GRM7: variants seen among roughly 807,000 people sequenced by gnomAD.
GRM7 encodes metabotropic glutamate receptor 7.
In GRM7, 35 loss-of-function variants were observed where a neutral mutation model predicts 84.5. That is an observed-to-expected ratio of 0.41 (90% CI 0.32 to 0.55). The LOEUF (loss-of-function observed/expected upper bound fraction) is 0.55. GRM7 is among the 20% of genes least tolerant of loss of function. The pLI is 0.19. For missense variants in GRM7, 1,003 were observed against 1,194.6 expected (o/e 0.84, Z 2.36); for synonymous variants, 487 against 455.1 (o/e 1.07, Z -0.89).
chr3:6,904,547 T>A (rs754042872), intron 1 of GRM7, among the ~76,000 whole-genome samples: 1 of 152,204 alleles, frequency 6.6e-6, no homozygotes, highest in Non-Finnish European at 1.5e-5. Flanking sequence ...CTTTATATAA[T>A]GAACCTCTTT....
At chr3:6,871,940 A>T (rs1362780161) in intron 1 of GRM7, among the ~76,000 whole-genome samples, 1 of 152,112 alleles carries the variant, frequency 6.6e-6, no homozygotes, top group Non-Finnish European at 1.5e-5. Context: ...AAAAATCCCC[A>T]AACCATTGAG....
intron 8 of GRM7, among the ~76,000 whole-genome samples, chr3:7,655,157 A>C (rs1699125247): frequency 1.3e-5 from 2 of 152,214 alleles, no homozygotes; most frequent in Admixed American, 1.3e-4. Flanking sequence ...AAAAACAGGT[A>C]AATTGATGTC....
chr3:7,506,927 A>G (rs1435623109), intron 7 of GRM7, among the ~76,000 whole-genome samples: 1 of 152,144 alleles, frequency 6.6e-6, no homozygotes, highest in African/African-American at 2.4e-5. Flanking sequence ...CCACTGTACC[A>G]TATTTAAAGA....
intron 7 of GRM7, among the ~76,000 whole-genome samples, chr3:7,484,257 A>G (rs970375875): frequency 2.0e-5 from 3 of 152,202 alleles, no homozygotes; most frequent in Admixed American, 6.5e-5. Flanking sequence ...CTTGTTGGAC[A>G]GAATATACTC....
intron 1 of GRM7, among the ~76,000 whole-genome samples, chr3:7,077,046 T>C (rs750221958): frequency 6.6e-6 from 1 of 152,142 alleles, no homozygotes; most frequent in Non-Finnish European, 1.5e-5. Flanking sequence ...CCAGTTAGAA[T>C]TGGGATGATT....
intron 2 of GRM7, among the ~76,000 whole-genome samples, chr3:7,152,665 G>A (rs1246991880): frequency 6.6e-6 from 1 of 152,140 alleles, no homozygotes. Context: ...CTTGGAGAAA[G>A]CTCTCTCTTA....
chr3:7,146,385 A>T, intron 1 of GRM7, 67 bp from the exon 2 acceptor site: 1 of 1,192,986 alleles, frequency 8.4e-7, no homozygotes, highest in Non-Finnish European at 1.3e-6. Context: ...GTAAACTGTC[A>T]TAAGTATAAA....
chr3:7,164,308 A>C (rs574956853), intron 2 of GRM7, among the ~76,000 whole-genome samples: 12 of 152,266 alleles, frequency 7.9e-5, no homozygotes, highest in Admixed American at 5.9e-4. Flanking sequence ...GCAGTGAGCC[A>C]AGATCACGCC....
At chr3:6,955,392 C>T (rs1286687016) in intron 1 of GRM7, among the ~76,000 whole-genome samples, 3 of 152,038 alleles carry the variant, frequency 2.0e-5, no homozygotes, top group African/African-American at 7.2e-5. Flanking sequence ...CAAAAATTAG[C>T]TGGGCATGGT....
At chr3:7,498,694 G>T (rs1313800085) in intron 7 of GRM7, among the ~76,000 whole-genome samples, 1 of 152,192 alleles carries the variant, frequency 6.6e-6, no homozygotes, top group Non-Finnish European at 1.5e-5. Flanking sequence ...TTATGAAACT[G>T]TATCTCTAGA....
At chr3:7,418,171 G>C (rs910464373) in intron 5 of GRM7, among the ~76,000 whole-genome samples, 4 of 152,136 alleles carry the variant, frequency 2.6e-5, no homozygotes, top group Admixed American at 2.6e-4. Context: ...GCATTCTTTA[G>C]TATTTCAAGA....
intron 1 of GRM7, among the ~76,000 whole-genome samples, chr3:7,065,696 T>C (rs1338918575): frequency 2.6e-5 from 4 of 151,818 alleles, no homozygotes; most frequent in African/African-American, 9.7e-5. Flanking sequence ...TCCATATGAA[T>C]TTTAGAATTG....
At chr3:6,927,475 A>AAGAAAGAAAGAAAGAT (rs1553595187) in intron 1 of GRM7, among the ~76,000 whole-genome samples, 2,519 of 61,132 alleles carry the variant, frequency 0.041, 42 homozygotes, top group Non-Finnish European at 0.077. Context: ...GAAAGAAAGA[A>AAGAAAGAAAGAAAGAT]AGAAAGAAAG....
intron 1 of GRM7, among the ~76,000 whole-genome samples, chr3:6,949,335 G>C (rs7621599): frequency 0.066 from 10,083 of 152,206 alleles, 475 homozygotes; most frequent in African/African-American, 0.12. Flanking sequence ...GGCTGAATAT[G>C]AAATTCTGGG....
chr3:7,644,785 G>A (rs1160609299), intron 8 of GRM7, among the ~76,000 whole-genome samples: 1 of 152,100 alleles, frequency 6.6e-6, no homozygotes, highest in Non-Finnish European at 1.5e-5. Context: ...CAAGACTTTG[G>A]TAATCTACAG....
intron 6 of GRM7, among the ~76,000 whole-genome samples, chr3:7,455,451 T>C (rs1697967668): frequency 6.6e-6 from 1 of 152,036 alleles, no homozygotes; most frequent in Non-Finnish European, 1.5e-5. Context: ...GTAAAAGAGG[T>C]AATCAAGGTG....
At chr3:7,010,003 T>C (rs1393448580) in intron 1 of GRM7, among the ~76,000 whole-genome samples, 1 of 152,216 alleles carries the variant, frequency 6.6e-6, no homozygotes, top group Non-Finnish European at 1.5e-5. Flanking sequence ...TAATAACAAT[T>C]GACTTTTCAG....
chr3:7,501,288 T>C (rs1699874599), intron 7 of GRM7, among the ~76,000 whole-genome samples: 1 of 152,216 alleles, frequency 6.6e-6, no homozygotes, highest in Non-Finnish European at 1.5e-5. Flanking sequence ...CTTTTGAACA[T>C]GGCACAAAAG....
At chr3:6,942,229 C>G (rs532341009) in intron 1 of GRM7, among the ~76,000 whole-genome samples, 1 of 151,916 alleles carries the variant, frequency 6.6e-6, no homozygotes, top group South Asian at 2.1e-4. Context: ...GCCATAATTA[C>G]TACCAGTAAA....
Sources: allele counts gnomAD v4.1 joint callset (sites outside exome capture counted in the v4.1 genomes callset), GRCh38; gene constraint gnomAD v4.1.1; transcripts MANE v1.5; gene names NCBI Gene and HGNC (gene_info 2026-07-23, HGNC 2026-07-21).